SYN3: variants seen among roughly 807,000 people sequenced by gnomAD.
SYN3 encodes the protein synapsin III, also known as synapsin-3.
Under a neutral mutation model 65.8 loss-of-function variants are expected in SYN3, and 35 were observed. The ratio of observed to expected loss-of-function variants is 0.53; its 90% confidence interval spans 0.41 to 0.70. SYN3 has a LOEUF of 0.70. SYN3 is among the 30% of genes least tolerant of loss of function. The pLI is 0.00. For missense variants in SYN3, 680 were observed against 749.0 expected (o/e 0.91, Z 1.08); for synonymous variants, 270 against 292.9 (o/e 0.92, Z 0.80).
intron 1 of SYN3, among the ~76,000 whole-genome samples, chr22:33,046,841 TAAAAAAAAAA>T (rs71187229): frequency 1.2e-4 from 11 of 92,788 alleles, no homozygotes; most frequent in African/African-American, 3.7e-4. Context: ...AGTCTCTGTT[TAAAAAAAAAA>T]AAAAAAAAAA....
chr22:32,778,443 C>A (rs58022867), intron 6 of SYN3, among the ~76,000 whole-genome samples: 2 of 137,172 alleles, frequency 1.5e-5, no homozygotes, highest in East Asian at 2.1e-4. Flanking sequence ...CACACGCCAC[C>A]ATGTCCAGCT....
chr22:32,829,122 T>A (rs1333125863), intron 6 of SYN3, among the ~76,000 whole-genome samples: 1 of 152,186 alleles, frequency 6.6e-6, no homozygotes, highest in Non-Finnish European at 1.5e-5. Flanking sequence ...CGGGCAGAGA[T>A]GAAAGAGGAA....
chr22:33,002,645 A>G (rs1300147448), intron 2 of SYN3, among the ~76,000 whole-genome samples: 1 of 151,798 alleles, frequency 6.6e-6, no homozygotes, highest in Non-Finnish European at 1.5e-5. Context: ...CTCCATCTCA[A>G]AAAAACAAAA....
chr22:32,582,087 C>G (rs2146498346), intron 7 of SYN3, among the ~76,000 whole-genome samples: 1 of 152,188 alleles, frequency 6.6e-6, no homozygotes, highest in Non-Finnish European at 1.5e-5. Flanking sequence ...CGTGAGCTAC[C>G]ACACCCGGCC....
intron 6 of SYN3, among the ~76,000 whole-genome samples, chr22:32,669,869 A>G (rs893191948): frequency 4.3e-4 from 65 of 152,258 alleles, no homozygotes; most frequent in Non-Finnish European, 7.5e-4. Flanking sequence ...GATGAAATGC[A>G]AATTGGATGG....
rs770980089 is a variant in SYN3, at chr22:32,518,134, C to T, written c.1519G>A (p.Ala507Thr). 58 of 1,606,394 alleles carry T rather than the reference C, an allele frequency of 3.6e-5. 1 individual carries two copies. The highest frequency in any genetic ancestry group is 2.9e-4 in the South Asian group (26 of 89,406). ...TGCACAGGGGGCCGGGGCTGTGAGG[C>T]GAGGGTGGCACCTGGCTTGGAGGCC... is the stretch of plus-strand genomic sequence containing the variant. The part of the protein sequence containing the change: ...NQASKPGATL[A>T]SQPRPPVQGR... Residue 507 changes from alanine to threonine, a missense_variant, in exon 13 of 14, where the codon GCC becomes ACC. Transcript: ENST00000358763.
intron 1 of SYN3, among the ~76,000 whole-genome samples, chr22:33,028,815 T>C (rs977143527): frequency 6.6e-6 from 1 of 151,732 alleles, no homozygotes; most frequent in South Asian, 2.1e-4. Flanking sequence ...CCAAGGCGGG[T>C]GGATCACGAG....
chr22:32,746,154 G>A (rs1181407183), intron 6 of SYN3, among the ~76,000 whole-genome samples: 4 of 152,190 alleles, frequency 2.6e-5, no homozygotes, highest in Admixed American at 6.5e-5. Flanking sequence ...GGACTGAGCG[G>A]GTTGCAGGAG....
At chr22:32,790,263 A>G (rs950251217) in intron 6 of SYN3, among the ~76,000 whole-genome samples, 2 of 152,176 alleles carry the variant, frequency 1.3e-5, no homozygotes, top group African/African-American at 4.8e-5. Flanking sequence ...ATTATATAAT[A>G]TTTCCACCAT....
intron 6 of SYN3, among the ~76,000 whole-genome samples, chr22:32,787,395 T>C (rs2046222252): frequency 6.6e-6 from 1 of 152,194 alleles, no homozygotes; most frequent in South Asian, 2.1e-4. Context: ...AGGTTATATA[T>C]ATCCATCCTA....
chr22:32,788,127 A>T (rs1295940111), intron 6 of SYN3, among the ~76,000 whole-genome samples: 1 of 152,206 alleles, frequency 6.6e-6, no homozygotes, highest in East Asian at 1.9e-4. Flanking sequence ...TTCTCTTGAA[A>T]TCGGATAATC....
intron 6 of SYN3, among the ~76,000 whole-genome samples, chr22:32,652,393 G>T (rs12160876): frequency 4.8e-4 from 65 of 134,212 alleles, no homozygotes; most frequent in Middle Eastern, 3.7e-3. Context: ...TTTTTTTTTT[G>T]GAAAAAAAAA....
intron 3 of SYN3, among the ~76,000 whole-genome samples, chr22:32,976,948 C>T (rs1476007018): frequency 1.3e-5 from 2 of 151,618 alleles, no homozygotes; most frequent in African/African-American, 4.9e-5. Flanking sequence ...CAGTGGCTTC[C>T]GTCCTGAGAC....
intron 6 of SYN3, among the ~76,000 whole-genome samples, chr22:32,662,878 TTACAAAGTA>T: frequency 6.6e-6 from 1 of 152,314 alleles, no homozygotes; most frequent in East Asian, 1.9e-4. Flanking sequence ...TAAAATTGCC[TTACAAAGTA>T]TCCCCATTTT....
At chr22:32,827,318 T>C (rs1349637984) in intron 6 of SYN3, among the ~76,000 whole-genome samples, 2 of 152,186 alleles carry the variant, frequency 1.3e-5, no homozygotes, top group Non-Finnish European at 2.9e-5. Context: ...AATATGTGAA[T>C]TCATTTGGGC....
At chr22:32,782,035 A>G (rs1342298944) in intron 6 of SYN3, among the ~76,000 whole-genome samples, 2 of 151,402 alleles carry the variant, frequency 1.3e-5, no homozygotes, top group Non-Finnish European at 2.9e-5. Context: ...GGAAAATTCC[A>G]TAGTAAGAAG....
Position 32,641,356 on chromosome 22 carries a change from C to T in SYN3, c.712-44620G>A, listed in dbSNP as rs552612692. Among the ~76,000 whole-genome samples, 3 of 152,196 alleles carry T rather than the reference C, an allele frequency of 2.0e-5. No individual in the cohort carries two copies. In the East Asian group the frequency reaches 5.8e-4, roughly 29 times the overall value. On this transcript the variant is annotated intron_variant, in intron 6 of 13. Coordinates refer to ENST00000358763, the MANE Select transcript of SYN3 (RefSeq NM_003490.4). Reference sequence around the variant, plus strand: ...GGGCGCGGTGGTTCATGCCTGTAATCCCAGCACTTTGGGAGGCTGAGGCAG... The same window carrying T: ...GGGCGCGGTGGTTCATGCCTGTAATTCCAGCACTTTGGGAGGCTGAGGCAG...
intron 6 of SYN3, among the ~76,000 whole-genome samples, chr22:32,676,113 C>T (rs2060437421): frequency 6.6e-6 from 1 of 152,220 alleles, no homozygotes; most frequent in Non-Finnish European, 1.5e-5. Flanking sequence ...CAAGATCTCC[C>T]CTGAGGAGCC....
intron 13 of SYN3, among the ~76,000 whole-genome samples, chr22:32,515,916 A>G (rs1371799414): frequency 1.3e-5 from 2 of 151,860 alleles, no homozygotes; most frequent in Admixed American, 1.3e-4. Context: ...CTCCTGCCTC[A>G]GCCTCCCTAG....
Sources: gnomAD v4.1 joint callset for allele counts (sites outside exome capture counted in the v4.1 genomes callset) on GRCh38, gnomAD v4.1.1 for gene constraint, MANE v1.5 for transcripts, NCBI Gene and HGNC (gene_info 2026-07-23, HGNC 2026-07-21) for gene names.